EPHA6: variants seen among roughly 807,000 people sequenced by gnomAD.
EPHA6 encodes EPH receptor A6.
EPHA6 carries 50 observed loss-of-function variants against 112.0 expected under a neutral mutation model. That is an observed-to-expected ratio of 0.45 (90% CI 0.36 to 0.56). The LOEUF is 0.56. EPHA6 is among the 20% of genes least tolerant of loss of function. The pLI is 0.00. For synonymous variants in EPHA6, 529 were observed against 490.7 expected, an observed-to-expected ratio of 1.08 and a Z score of -1.03; for missense variants, 1,280 against 1,417.4, an observed-to-expected ratio of 0.90 and a Z score of 1.56.
At chr3:96,981,601 T>A (rs1012443124) in intron 2 of EPHA6, among the ~76,000 whole-genome samples, 4 of 152,212 alleles carry the variant, frequency 2.6e-5, no homozygotes, top group Admixed American at 1.3e-4. Context: ...TCTTTTTCTA[T>A]TGATTGGAAT....
intron 2 of EPHA6, among the ~76,000 whole-genome samples, chr3:96,979,668 C>G (rs917360893): frequency 2.0e-5 from 3 of 152,168 alleles, no homozygotes; most frequent in African/African-American, 7.2e-5. Flanking sequence ...GACCCACCAA[C>G]AGTGTAAAAG....
At chr3:97,051,558 C>CT (rs1223167610) in intron 3 of EPHA6, among the ~76,000 whole-genome samples, 5 of 152,084 alleles carry the variant, frequency 3.3e-5, no homozygotes. Flanking sequence ...TATCTCTTGA[C>CT]TTGATTCAGT....
At chr3:97,189,124 G>A (rs1348182442) in intron 3 of EPHA6, among the ~76,000 whole-genome samples, 3 of 151,908 alleles carry the variant, frequency 2.0e-5, no homozygotes, top group Admixed American at 6.6e-5. Context: ...TTTACAAGGT[G>A]TCCATAAAAT....
At chr3:97,522,239 CAA>C (rs2092555107) in intron 10 of EPHA6, among the ~76,000 whole-genome samples, 1 of 152,118 alleles carries the variant, frequency 6.6e-6, no homozygotes, top group Admixed American at 6.6e-5. Context: ...GCTCCAAGAT[CAA>C]AAGTTTCTGT....
chr3:97,274,893 G>A (rs1202657731), intron 5 of EPHA6, among the ~76,000 whole-genome samples: 3 of 152,198 alleles, frequency 2.0e-5, no homozygotes, highest in Non-Finnish European at 4.4e-5. Context: ...GTAATTGTGG[G>A]AGACCCAACA....
In EPHA6 at chr3:97,753,474, G is replaced by A. The variant is rs1426314159; in HGVS notation, c.*4773G>A. Among the ~76,000 whole-genome samples the A allele has an allele frequency of 6.6e-6, 1 of 152,110 alleles. No homozygotes were observed. The highest frequency in any genetic ancestry group is 2.4e-5 in the African/African-American group (1 of 41,422). Reference sequence around the variant, plus strand: ...CCATAACCCCTCTGGCGGAGGGGAAGCATACTTCCTGGGTTCTCTAAAACA... The same window carrying A: ...CCATAACCCCTCTGGCGGAGGGGAAACATACTTCCTGGGTTCTCTAAAACA... On this transcript the variant is annotated 3_prime_UTR_variant, in exon 18 of 18. Transcript: ENST00000389672.
intron 3 of EPHA6, among the ~76,000 whole-genome samples, chr3:96,999,246 G>C (rs1379110552): frequency 1.3e-5 from 2 of 151,838 alleles, no homozygotes; most frequent in African/African-American, 4.8e-5. Context: ...TGAAAAGTTT[G>C]TGATTATACC....
At chr3:97,474,005 T>C (rs1014174785) in intron 7 of EPHA6, among the ~76,000 whole-genome samples, 2 of 151,890 alleles carry the variant, frequency 1.3e-5, no homozygotes, top group Admixed American at 1.3e-4. Context: ...TGTTTTTATT[T>C]ACATTCAGAT....
At chr3:97,318,482 C>A (rs919425819) in intron 5 of EPHA6, among the ~76,000 whole-genome samples, 1 of 151,976 alleles carries the variant, frequency 6.6e-6, no homozygotes, top group African/African-American at 2.4e-5. Flanking sequence ...GTTACCAGTT[C>A]TTGAAGATAT....
In EPHA6 at chr3:97,410,364, T is replaced by A. The variant is rs139547616; in HGVS notation, c.1731+5090T>A. On this transcript the variant is annotated intron_variant, in intron 6 of 17. Transcript: ENST00000389672. ...AGAAAAACAATCTTTCCTTCTTATA[T>A]GCTGCTCAATATACATTTCTCATTT... Among the ~76,000 whole-genome samples the A allele has an allele frequency of 3.9e-5, 6 of 152,174 alleles. No individual in the cohort carries two copies. The East Asian group carries it at 1.2e-3, about 29-fold the overall frequency.
At chr3:97,363,202 AT>A (rs2084484191) in intron 5 of EPHA6, among the ~76,000 whole-genome samples, 3 of 79,984 alleles carry the variant, frequency 3.8e-5, no homozygotes, top group African/African-American at 9.2e-5. Flanking sequence ...ATATATATAT[AT>A]ATATATATAT....
At chr3:96,888,092 C>A (rs887116481) in intron 2 of EPHA6, among the ~76,000 whole-genome samples, 6 of 152,092 alleles carry the variant, frequency 3.9e-5, no homozygotes, top group African/African-American at 1.4e-4. Flanking sequence ...GCACCCTCCC[C>A]CAAGTTCTGG....
At chr3:97,110,549 G>C (rs960215001) in intron 3 of EPHA6, among the ~76,000 whole-genome samples, 5 of 151,978 alleles carry the variant, frequency 3.3e-5, no homozygotes, top group Non-Finnish European at 7.4e-5. Context: ...TTTAGAGACA[G>C]AGTCTCACTC....
intron 2 of EPHA6, among the ~76,000 whole-genome samples, chr3:96,936,557 A>G (rs2107671105): frequency 6.6e-6 from 1 of 151,896 alleles, no homozygotes; most frequent in East Asian, 1.9e-4. Context: ...AAGGAAATGT[A>G]TAATATTGCT....
intron 4 of EPHA6, among the ~76,000 whole-genome samples, chr3:97,228,744 G>A (rs2078436129): frequency 6.6e-6 from 1 of 152,070 alleles, no homozygotes; most frequent in African/African-American, 2.4e-5. Flanking sequence ...CCTAGTAGGG[G>A]GGATTGCTGG....
At chr3:97,451,358 G>T (rs2090524521) in intron 7 of EPHA6, among the ~76,000 whole-genome samples, 1 of 151,810 alleles carries the variant, frequency 6.6e-6, no homozygotes, top group African/African-American at 2.4e-5. Context: ...GTGATTGGGG[G>T]TGCAAGTTTA....
At chr3:97,607,129 A>G (rs1049131156) in intron 12 of EPHA6, among the ~76,000 whole-genome samples, 1 of 150,504 alleles carries the variant, frequency 6.6e-6, no homozygotes, top group Admixed American at 6.6e-5. Context: ...TCATTTCATT[A>G]CATGAAAATG....
intron 2 of EPHA6, among the ~76,000 whole-genome samples, chr3:96,944,991 C>T (rs374852553): frequency 4.6e-5 from 7 of 152,252 alleles, no homozygotes; most frequent in South Asian, 2.1e-4. Flanking sequence ...CTCCCCACCT[C>T]GGTCTGTGTT....
intron 3 of EPHA6, among the ~76,000 whole-genome samples, chr3:97,197,776 T>G (rs542045560): frequency 2.6e-5 from 4 of 152,074 alleles, no homozygotes; most frequent in African/African-American, 9.6e-5. Context: ...TGGTGTAGAC[T>G]GCCTTTCAAC....
Sources: gnomAD v4.1 joint callset for allele counts (sites outside exome capture counted in the v4.1 genomes callset) on GRCh38, gnomAD v4.1.1 for gene constraint, MANE v1.5 for transcripts, NCBI Gene and HGNC (gene_info 2026-07-23, HGNC 2026-07-21) for gene names.